Variants in EFNA5 observed in about 807,000 individuals in gnomAD.
The protein encoded by EFNA5 is ephrin-A5.
A neutral mutation model predicts 22.9 loss-of-function variants in EFNA5; 5 were observed. That is an observed-to-expected ratio of 0.22 (90% CI 0.11 to 0.46). EFNA5 has a LOEUF of 0.46. Among genes scored for constraint, EFNA5 ranks in the 20% least tolerant of loss-of-function variants. The probability of loss-of-function intolerance (pLI) is 0.99; values close to 1 mark genes in which losing one functional copy is unlikely to be tolerated. For missense variants in EFNA5, 237 were observed against 293.3 expected, an observed-to-expected ratio of 0.81 and a Z score of 1.40; for synonymous variants, 113 against 112.2, an observed-to-expected ratio of 1.01 and a Z score of -0.04.
At chr5:107,449,846 G>C (rs1749508865) in intron 1 of EFNA5, among the ~76,000 whole-genome samples, 1 of 152,176 alleles carries the variant, frequency 6.6e-6, no homozygotes, top group South Asian at 2.1e-4. Context: ...GTCTTTTGAA[G>C]GGTAATGAGA....
intron 2 of EFNA5, among the ~76,000 whole-genome samples, chr5:107,415,245 G>C (rs928862384): frequency 2.0e-5 from 3 of 151,956 alleles, no homozygotes; most frequent in African/African-American, 7.3e-5. Flanking sequence ...TATATACCCA[G>C]CAAGCACCTA....
intron 1 of EFNA5, among the ~76,000 whole-genome samples, chr5:107,436,517 A>C (rs942479041): frequency 6.6e-6 from 1 of 152,180 alleles, no homozygotes; most frequent in African/African-American, 2.4e-5. Context: ...ATGTCTGGCA[A>C]TCAGTATAGT....
At chr5:107,393,836 T>A (rs985157096) in intron 2 of EFNA5, among the ~76,000 whole-genome samples, 13 of 152,204 alleles carry the variant, frequency 8.5e-5, no homozygotes, top group Admixed American at 7.9e-4. Context: ...ATGGTACTAC[T>A]GGAAATATCT....
chr5:107,441,666 C>T (rs570557607), intron 1 of EFNA5, among the ~76,000 whole-genome samples: 2 of 152,108 alleles, frequency 1.3e-5, no homozygotes. Flanking sequence ...AAGAAATATA[C>T]TTACATATGC....
intron 1 of EFNA5, among the ~76,000 whole-genome samples, chr5:107,468,404 CAGAG>C (rs1750050380): frequency 6.6e-6 from 1 of 152,152 alleles, no homozygotes; most frequent in Non-Finnish European, 1.5e-5. Context: ...GCTAATGAGT[CAGAG>C]AGCAAAATAA....
At chr5:107,448,365 C>T (rs2112443258) in intron 1 of EFNA5, among the ~76,000 whole-genome samples, 1 of 152,274 alleles carries the variant, frequency 6.6e-6, no homozygotes, top group Middle Eastern at 3.4e-3. Context: ...CTATTGAATG[C>T]TAGATACTGG....
chr5:107,442,830 C>G (rs1006615861), intron 1 of EFNA5, among the ~76,000 whole-genome samples: 2 of 144,872 alleles, frequency 1.4e-5, no homozygotes, highest in African/African-American at 2.6e-5. Context: ...ACAACGCTGA[C>G]AAATTACTTC....
chr5:107,427,496 C>A lies in EFNA5; in HGVS notation c.139G>T (p.Asp47Tyr). ...TTGATACAGACATCAATATGGTAGT[C>A]ACCCCTCTGGAATCTGTTAGAAAAA... is the stretch of plus-strand genomic sequence containing the variant. ...NSSNPRFQRG[D>Y]YHIDVCINDY... Residue 47 changes from aspartate (D) to tyrosine (Y), a missense_variant, in exon 2 of 5, where the codon GAC becomes TAC. By Grantham distance (160) the Asp-to-Tyr change is radical. Around this residue, in one of 3 missense-constraint regions of EFNA5, gnomAD observed 120 missense variants for 140.5 expected, o/e 0.85. Coordinates refer to ENST00000333274, the MANE Select transcript of EFNA5 (RefSeq NM_001962.3). The A allele has an allele frequency of 6.2e-7, 1 of 1,600,296 alleles. No individual in the cohort carries two copies. Among genetic ancestry groups the A allele is most frequent in the South Asian group, 1.1e-5 (1 of 88,600 alleles).
At chr5:107,659,328 T>C (rs1446231695) in intron 1 of EFNA5, among the ~76,000 whole-genome samples, 1 of 151,990 alleles carries the variant, frequency 6.6e-6, no homozygotes, top group African/African-American at 2.4e-5. Flanking sequence ...ATGGAAAACA[T>C]TATATAGGAC....
rs570307335 is a variant in EFNA5, at chr5:107,532,853, G to A, written c.126-105344C>T. Among the ~76,000 whole-genome samples the A allele has an allele frequency of 1.1e-4, 17 of 152,220 alleles. No homozygotes were observed. In the South Asian group the frequency reaches 2.7e-3, roughly 24 times the overall value. The stretch of plus-strand genomic sequence containing the variant: ...ATAATTTTAAGTATGAATACTTTAC[G>A]CCAGACACAAGATTACCTAAGGTGT... On this transcript the variant is annotated intron_variant, in intron 1 of 4. Coordinates refer to ENST00000333274, the MANE Select transcript of EFNA5 (RefSeq NM_001962.3).
intron 1 of EFNA5, among the ~76,000 whole-genome samples, chr5:107,599,501 C>G (rs1325863446): frequency 6.6e-6 from 1 of 152,130 alleles, no homozygotes; most frequent in African/African-American, 2.4e-5. Flanking sequence ...GTAATGGAGA[C>G]AGGGACAGAA....
chr5:107,509,137 C>T (rs762545989), intron 1 of EFNA5, among the ~76,000 whole-genome samples: 3 of 152,096 alleles, frequency 2.0e-5, no homozygotes, highest in Non-Finnish European at 2.9e-5. Flanking sequence ...TGGTGACTAG[C>T]GTGACATGTT....
chr5:107,484,487 C>G (rs1019696316), intron 1 of EFNA5, among the ~76,000 whole-genome samples: 1 of 152,320 alleles, frequency 6.6e-6, no homozygotes, highest in Middle Eastern at 3.4e-3. Flanking sequence ...TGTTGGCACA[C>G]TGGAATTAGA....
rs1561381297 is a variant in EFNA5 at position 107,427,213 on chromosome 5, T to G, written c.418+4A>C. Reference sequence around the variant, plus strand: ...TACAACACGATAAATCTCTATATACTCACAGATGTAGAAATATTCTCGGCC... The same window carrying G: ...TACAACACGATAAATCTCTATATACGCACAGATGTAGAAATATTCTCGGCC... On this transcript the variant is annotated splice_donor_region_variant and intron_variant, in intron 2 of 4. Coordinates refer to ENST00000333274, the MANE Select transcript of EFNA5 (RefSeq NM_001962.3). 2 of 1,613,890 alleles carry G rather than the reference T, an allele frequency of 1.2e-6. No individual in the cohort carries two copies. Among genetic ancestry groups the G allele is most frequent in the Non-Finnish European group, 1.7e-6 (2 of 1,179,956 alleles).
At chr5:107,602,832 AAAG>A (rs1554068805) in intron 1 of EFNA5, among the ~76,000 whole-genome samples, 1 of 24,532 alleles carries the variant, frequency 4.1e-5, no homozygotes, top group Non-Finnish European at 1.1e-4. Flanking sequence ...AAAGGAGGAA[AAAG>A]AAAGAAAGAA....
At chr5:107,580,047 AG>A (rs1277386836) in intron 1 of EFNA5, among the ~76,000 whole-genome samples, 1 of 152,236 alleles carries the variant, frequency 6.6e-6, no homozygotes, top group Non-Finnish European at 1.5e-5. Context: ...ACCATAATTC[AG>A]CCCCTCAGAA....
intron 1 of EFNA5, among the ~76,000 whole-genome samples, chr5:107,505,147 C>A (rs1448188004): frequency 1.3e-5 from 2 of 152,112 alleles, no homozygotes; most frequent in South Asian, 2.1e-4. Flanking sequence ...AGATAAGGGA[C>A]CTGTTATATG....
intron 1 of EFNA5, among the ~76,000 whole-genome samples, chr5:107,492,381 G>T (rs1190843020): frequency 6.6e-6 from 1 of 152,116 alleles, no homozygotes; most frequent in African/African-American, 2.4e-5. Flanking sequence ...TATTCAGCTA[G>T]AAAGATCATT....
intron 2 of EFNA5, among the ~76,000 whole-genome samples, chr5:107,426,477 G>A (rs951831823): frequency 6.6e-6 from 1 of 152,226 alleles, no homozygotes. Context: ...TATGCACGGT[G>A]AAGTTTGAGA....
Sources: allele counts gnomAD v4.1 joint callset (sites outside exome capture counted in the v4.1 genomes callset), GRCh38; gene constraint gnomAD v4.1.1; regional missense constraint gnomAD v4.1.1; transcripts MANE v1.5; gene names NCBI Gene and HGNC (gene_info 2026-07-23, HGNC 2026-07-21).